The following PHTF2 variants were observed in gnomAD, a reference collection of about 807,000 sequenced individuals.
PHTF2 encodes the protein putative homeodomain transcription factor 2.
PHTF2 carries 60 observed loss-of-function variants against 101.2 expected under a neutral mutation model. The observed-to-expected ratio is 0.59, with a 90% confidence interval of 0.48 to 0.73. PHTF2 has a LOEUF of 0.73. Ranked by LOEUF, PHTF2 falls within the 30% of genes least tolerant of loss-of-function variation. The pLI is 0.00. For synonymous variants in PHTF2, 311 were observed against 307.3 expected (o/e 1.01, Z -0.13); for missense variants, 747 against 908.7 (o/e 0.82, Z 2.29).
chr7:77,923,726 G>A, intron 11 of PHTF2: 2 of 985,010 alleles, frequency 2.0e-6, no homozygotes, highest in Non-Finnish European at 2.4e-6. Context: ...CTTACTGTAT[G>A]TACTGTTAGA....
intron 1 of PHTF2, among the ~76,000 whole-genome samples, chr7:77,822,144 G>T (rs74496084): frequency 1.3e-5 from 2 of 152,350 alleles, no homozygotes; most frequent in East Asian, 3.9e-4. Context: ...GCCTTAGGTG[G>T]GAGTGCCAGA....
At chr7:77,804,059 TCTTA>T (rs1292379563) in intron 1 of PHTF2, among the ~76,000 whole-genome samples, 3 of 152,218 alleles carry the variant, frequency 2.0e-5, no homozygotes, top group Non-Finnish European at 4.4e-5. Flanking sequence ...TTGACTACTT[TCTTA>T]CTTATTTCTA....
chr7:77,898,142 A>G (rs1380301505), intron 5 of PHTF2, among the ~76,000 whole-genome samples: 1 of 152,188 alleles, frequency 6.6e-6, no homozygotes, highest in Non-Finnish European at 1.5e-5. Flanking sequence ...AACCCCAAAT[A>G]AACAAGGTCG....
chr7:77,889,517 C>CGTTT (rs1300152732), intron 3 of PHTF2, among the ~76,000 whole-genome samples: 121 of 151,994 alleles, frequency 8.0e-4, no homozygotes, highest in African/African-American at 2.7e-3. Context: ...AAAAAACTAC[C>CGTTT]TCTCCAAAAA....
intron 1 of PHTF2, among the ~76,000 whole-genome samples, chr7:77,821,286 A>C (rs1794269347): frequency 6.6e-6 from 1 of 152,102 alleles, no homozygotes; most frequent in African/African-American, 2.4e-5. Flanking sequence ...TTGTCTTTTG[A>C]CAATTTGAAT....
chr7:77,880,717 C>A (rs1799338424), intron 3 of PHTF2, among the ~76,000 whole-genome samples: 1 of 152,144 alleles, frequency 6.6e-6, no homozygotes, highest in Non-Finnish European at 1.5e-5. Context: ...TTTAGGCCCC[C>A]ATGGTTCTGC....
intron 9 of PHTF2, among the ~76,000 whole-genome samples, chr7:77,916,206 T>G (rs1161705998): frequency 6.6e-6 from 1 of 152,178 alleles, no homozygotes; most frequent in African/African-American, 2.4e-5. Flanking sequence ...TAACTTCCCT[T>G]TTAAAAATGT....
chr7:77,949,574 C>T (rs1005157729), intron 16 of PHTF2, 104 bp from the exon 16 acceptor site: 4 of 634,298 alleles, frequency 6.3e-6, no homozygotes, highest in Non-Finnish European at 1.1e-5. Flanking sequence ...TAGAATGTTT[C>T]TAAAATGTAA....
intron 2 of PHTF2, chr7:77,854,705 C>T: frequency 1.4e-6 from 1 of 703,122 alleles, no homozygotes; most frequent in Non-Finnish European, 2.6e-6. Context: ...AAGTTTTTTG[C>T]ACTCTTCTTT....
chr7:77,902,466 A>G (rs1021368230), intron 7 of PHTF2, among the ~76,000 whole-genome samples: 2 of 152,228 alleles, frequency 1.3e-5, no homozygotes, highest in African/African-American at 2.4e-5. Flanking sequence ...CCAACGCCAC[A>G]TAGTCATCAA....
chr7:77,802,207 G>T (rs1404004129), intron 1 of PHTF2, among the ~76,000 whole-genome samples: 1 of 152,148 alleles, frequency 6.6e-6, no homozygotes, highest in African/African-American at 2.4e-5. Context: ...TAAAATGTAT[G>T]TGTGAAGGCC....
chr7:77,895,132 T>C (rs1173888697), intron 5 of PHTF2: 2 of 455,718 alleles, frequency 4.4e-6, no homozygotes, highest in East Asian at 6.9e-5. Flanking sequence ...TATAGAAATA[T>C]CTATTTGGTA....
chr7:77,850,586 G>A (rs1796678255), intron 2 of PHTF2, among the ~76,000 whole-genome samples: 1 of 150,374 alleles, frequency 6.7e-6, no homozygotes, highest in African/African-American at 2.5e-5. Flanking sequence ...AGGCTGCAGT[G>A]GGCCATGATT....
At chr7:77,920,502 TTTATA>T (rs1427843118) in intron 10 of PHTF2, 37 bp downstream of exon 9, 2 of 1,502,022 alleles carry the variant, frequency 1.3e-6, no homozygotes, top group Admixed American at 3.4e-5. Context: ...CCTATGTGAT[TTTATA>T]TTAGCCAATG....
chr7:77,828,520 A>G lies in PHTF2; in HGVS notation c.-35-11701A>G, dbSNP rs370359438. Among the ~76,000 whole-genome samples, 17 of 152,236 alleles carry G rather than the reference A, an allele frequency of 1.1e-4. No individual in the cohort carries two copies. In the South Asian group the frequency reaches 3.3e-3, roughly 30 times the overall value. On this transcript the variant is annotated intron_variant, in intron 1 of 19. Transcript: ENST00000416283. ...GGGCTTTGTGGTTAGTATCAAGATT[A>G]TAACTCTAGGCTGGGCGCAGTGGCT...
intron 1 of PHTF2, among the ~76,000 whole-genome samples, chr7:77,809,221 G>A (rs1030500495): frequency 1.0e-4 from 11 of 107,366 alleles, no homozygotes; most frequent in East Asian, 2.5e-4. Context: ...AACCCAGTTC[G>A]TTGTTTTTTT....
intron 3 of PHTF2, among the ~76,000 whole-genome samples, chr7:77,865,392 A>G (rs1464489621): frequency 1.3e-5 from 2 of 151,860 alleles, no homozygotes; most frequent in Non-Finnish European, 2.9e-5. Context: ...TGCCTGGCTA[A>G]TTTTTGTATT....
chr7:77,906,265 C>CAGGA (rs1386847525), intron 7 of PHTF2: 1 of 152,252 alleles, frequency 6.6e-6, no homozygotes, highest in Admixed American at 6.5e-5. Flanking sequence ...AGATTACAGG[C>CAGGA]AGGAGCTACC....
intron 1 of PHTF2, among the ~76,000 whole-genome samples, chr7:77,807,427 G>A (rs1793079495): frequency 6.6e-6 from 1 of 151,754 alleles, no homozygotes; most frequent in East Asian, 1.9e-4. Context: ...TTGTGGTTTT[G>A]ATTTGTACTT....
Sources: gnomAD v4.1 joint callset for allele counts (sites outside exome capture counted in the v4.1 genomes callset) on GRCh38, gnomAD v4.1.1 for gene constraint, MANE v1.5 for transcripts, NCBI Gene and HGNC (gene_info 2026-07-23, HGNC 2026-07-21) for gene names.